The following CTIF variants were observed in gnomAD, a reference collection of about 807,000 sequenced individuals.
CTIF encodes cap binding complex dependent translation initiation factor.
Under a neutral mutation model 66.0 loss-of-function variants are expected in CTIF, and 21 were observed. That is an observed-to-expected ratio of 0.32 (90% CI 0.23 to 0.46). The LOEUF (loss-of-function observed/expected upper bound fraction) is 0.46, where lower values mean the gene tolerates loss of function less well. Ranked by LOEUF, CTIF falls within the 20% of genes least tolerant of loss-of-function variation. The pLI is 1.00. For synonymous variants in CTIF, 345 were observed against 326.4 expected (o/e 1.06, Z -0.62); for missense variants, 739 against 812.7 (o/e 0.91, Z 1.10).
chr18:48,833,899 G>A (rs1458009986), intron 10 of CTIF, among the ~76,000 whole-genome samples: 1 of 152,206 alleles, frequency 6.6e-6, no homozygotes, highest in African/African-American at 2.4e-5. Flanking sequence ...CAAAGCAACT[G>A]TGCAAAAGAT....
chr18:48,808,297 C>T (rs566010343), intron 9 of CTIF, among the ~76,000 whole-genome samples: 1 of 152,168 alleles, frequency 6.6e-6, no homozygotes, highest in African/African-American at 2.4e-5. Flanking sequence ...GCCCTTTCCC[C>T]ATTTGTTCAT....
chr18:48,574,924 G>A (rs1406779314), intron 1 of CTIF, among the ~76,000 whole-genome samples: 1 of 152,168 alleles, frequency 6.6e-6, no homozygotes, highest in Non-Finnish European at 1.5e-5. Flanking sequence ...TAGAAATATG[G>A]GCTAGCCACA....
intron 3 of CTIF, among the ~76,000 whole-genome samples, chr18:48,646,913 A>AAC (rs2091045151): frequency 6.6e-6 from 1 of 150,940 alleles, no homozygotes. Context: ...AAAAAAAAAA[A>AAC]AAAAAAAAAA....
At chr18:48,654,317 A>T (rs973214862) in intron 3 of CTIF, among the ~76,000 whole-genome samples, 1 of 152,256 alleles carries the variant, frequency 6.6e-6, no homozygotes, top group Non-Finnish European at 1.5e-5. Context: ...GGCAAAGGAT[A>T]TGAACAGACG....
chr18:48,844,492 C>A (rs986784832), intron 10 of CTIF, among the ~76,000 whole-genome samples: 1 of 152,230 alleles, frequency 6.6e-6, no homozygotes, highest in Admixed American at 6.5e-5. Context: ...CATCCACTGT[C>A]GCTACTTTGT....
At chr18:48,550,985 C>T (rs2088868435) in intron 1 of CTIF, among the ~76,000 whole-genome samples, 1 of 152,054 alleles carries the variant, frequency 6.6e-6, no homozygotes, top group Non-Finnish European at 1.5e-5. Flanking sequence ...AGGTAATCAA[C>T]TATCCTGTTC....
chr18:48,778,464 G>T (rs1437101151), intron 9 of CTIF, among the ~76,000 whole-genome samples: 2 of 152,186 alleles, frequency 1.3e-5, no homozygotes, highest in Non-Finnish European at 2.9e-5. Flanking sequence ...TGGTAGAAAA[G>T]GTCCCTGGTC....
intron 6 of CTIF, among the ~76,000 whole-genome samples, chr18:48,689,794 A>C (rs1435154096): frequency 1.3e-5 from 2 of 152,122 alleles, no homozygotes; most frequent in African/African-American, 4.8e-5. Context: ...CAGGGAAGAA[A>C]AGGTCACTAC....
chr18:48,846,352 G>T (rs1294859174), intron 10 of CTIF, among the ~76,000 whole-genome samples: 8 of 152,182 alleles, frequency 5.3e-5, no homozygotes, highest in Non-Finnish European at 5.9e-5. Flanking sequence ...CCCCCTACTA[G>T]ACTATAAATT....
intron 6 of CTIF, among the ~76,000 whole-genome samples, chr18:48,696,874 T>C (rs2092016776): frequency 6.6e-6 from 1 of 152,212 alleles, no homozygotes; most frequent in Non-Finnish European, 1.5e-5. Flanking sequence ...GCATCTGTGG[T>C]GTGTTGTCAC....
intron 10 of CTIF, among the ~76,000 whole-genome samples, chr18:48,824,676 C>T (rs541048566): frequency 4.0e-4 from 61 of 150,988 alleles, no homozygotes; most frequent in Non-Finnish European, 6.8e-4. Flanking sequence ...TCACTCTTGT[C>T]GCCCAGGCTG....
At position 48,752,383 on chromosome 18, in the gene CTIF, G is replaced by A. The variant is rs568821643; in HGVS notation, c.585-5536G>A. Among the ~76,000 whole-genome samples the A allele has an allele frequency of 2.2e-4, 34 of 152,290 alleles. No individual in the cohort carries two copies. The East Asian group carries it at 6.0e-3, about 27-fold the overall frequency. ...GATGGCTCTGGCAATTACAGGGCCC[G>A]TGTGTTGCCTAAGCTTTGTAGCGAT... On this transcript the variant is annotated intron_variant, in intron 7 of 11. Transcript: ENST00000256413.
intron 3 of CTIF, among the ~76,000 whole-genome samples, chr18:48,640,478 C>A (rs2090907510): frequency 6.6e-6 from 1 of 152,206 alleles, no homozygotes; most frequent in Admixed American, 6.5e-5. Flanking sequence ...TCCTGCCACA[C>A]CAACTTTGAT....
At chr18:48,794,392 C>T (rs1256094887) in intron 9 of CTIF, among the ~76,000 whole-genome samples, 1 of 152,154 alleles carries the variant, frequency 6.6e-6, no homozygotes. Context: ...TAAGGGCCAT[C>T]TGCAACTCGA....
chr18:48,615,236 A>T (rs1568074757), intron 1 of CTIF, among the ~76,000 whole-genome samples: 1 of 152,180 alleles, frequency 6.6e-6, no homozygotes, highest in South Asian at 2.1e-4. Context: ...CATAATAAAA[A>T]ATTGGGGGCC....
At chr18:48,560,678 C>T (rs1171341329) in intron 1 of CTIF, among the ~76,000 whole-genome samples, 1 of 152,170 alleles carries the variant, frequency 6.6e-6, no homozygotes, top group Non-Finnish European at 1.5e-5. Context: ...TCAAGCCATC[C>T]TCCCTCCTCA....
intron 3 of CTIF, among the ~76,000 whole-genome samples, chr18:48,660,383 A>T (rs1369464249): frequency 6.6e-6 from 1 of 152,148 alleles, no homozygotes; most frequent in Non-Finnish European, 1.5e-5. Flanking sequence ...CCCAACATGG[A>T]GATGGCAGCA....
intron 6 of CTIF, among the ~76,000 whole-genome samples, chr18:48,691,612 T>C (rs1021699796): frequency 2.6e-5 from 4 of 152,196 alleles, no homozygotes; most frequent in Non-Finnish European, 5.9e-5. Flanking sequence ...CAGGTGCTCA[T>C]GTCCCCAGTC....
intron 6 of CTIF, among the ~76,000 whole-genome samples, chr18:48,691,816 T>G (rs947762875): frequency 6.6e-6 from 1 of 152,174 alleles, no homozygotes; most frequent in Non-Finnish European, 1.5e-5. Context: ...TCATCTATTC[T>G]TATCCTCCAC....
Sources: gnomAD v4.1 joint callset for allele counts (sites outside exome capture counted in the v4.1 genomes callset) on GRCh38, gnomAD v4.1.1 for gene constraint, MANE v1.5 for transcripts, NCBI Gene and HGNC (gene_info 2026-07-23, HGNC 2026-07-21) for gene names.